Variants in HIBADH observed in about 807,000 individuals in gnomAD.
The protein encoded by HIBADH is 3-hydroxyisobutyrate dehydrogenase, also known as 3-hydroxyisobutyrate dehydrogenase, mitochondrial.
Under a neutral mutation model 36.1 loss-of-function variants are expected in HIBADH, and 25 were observed. The ratio of observed to expected loss-of-function variants is 0.69; its 90% confidence interval spans 0.50 to 0.97. The LOEUF (loss-of-function observed/expected upper bound fraction) is 0.97. Ranked by LOEUF, HIBADH falls within the 50% of genes least tolerant of loss-of-function variation. The probability of loss-of-function intolerance (pLI) is 0.00; values close to 1 mark genes in which losing one functional copy is unlikely to be tolerated. For synonymous variants in HIBADH, 160 were observed against 149.5 expected (o/e 1.07, Z -0.51); for missense variants, 421 against 418.0 (o/e 1.01, Z -0.06).
At chr7:27,622,138 G>T (rs552584984) in intron 4 of HIBADH, among the ~76,000 whole-genome samples, 21 of 152,166 alleles carry the variant, frequency 1.4e-4, no homozygotes, top group Non-Finnish European at 1.3e-4. Flanking sequence ...CCAGCTATTC[G>T]AGAGCCTGAG....
At chr7:27,624,105 AATATTGTTAAAATGACC>A (rs1785596502) in intron 4 of HIBADH, among the ~76,000 whole-genome samples, 1 of 152,108 alleles carries the variant, frequency 6.6e-6, no homozygotes, top group Non-Finnish European at 1.5e-5. Context: ...CGGCCAAATT[AATATTGTTAAAATGACC>A]ATATTGCCAA....
intron 4 of HIBADH, among the ~76,000 whole-genome samples, chr7:27,612,248 C>A (rs574646903): frequency 2.8e-4 from 42 of 151,788 alleles, no homozygotes; most frequent in African/African-American, 8.9e-4. Context: ...TAAATAATTT[C>A]AAGTACAAGA....
intron 4 of HIBADH, among the ~76,000 whole-genome samples, chr7:27,594,025 AAAAT>A (rs538937381): frequency 0.016 from 2,459 of 149,618 alleles, 65 homozygotes; most frequent in African/African-American, 0.056. Flanking sequence ...TCCGTCTCAA[AAAAT>A]AAATAAATAA....
chr7:27,616,484 T>TA (rs1161974480), intron 4 of HIBADH, among the ~76,000 whole-genome samples: 12 of 152,128 alleles, frequency 7.9e-5, no homozygotes, highest in Non-Finnish European at 1.5e-5. Flanking sequence ...TGTTTTTTAA[T>TA]ATAGGGTTTT....
intron 3 of HIBADH, among the ~76,000 whole-genome samples, chr7:27,629,967 T>TAA (rs111649764): frequency 0.078 from 11,812 of 150,954 alleles, 709 homozygotes; most frequent in African/African-American, 0.17. Context: ...AGAATAAACA[T>TAA]AAGCAATTAA....
At chr7:27,634,167 G>A (rs539573348) in intron 2 of HIBADH, among the ~76,000 whole-genome samples, 2 of 152,080 alleles carry the variant, frequency 1.3e-5, no homozygotes, top group African/African-American at 4.8e-5. Context: ...TAACAAGCTA[G>A]GAAATGATAT....
At chr7:27,535,769 C>A (rs1005463344) in intron 6 of HIBADH, among the ~76,000 whole-genome samples, 4 of 150,186 alleles carry the variant, frequency 2.7e-5, no homozygotes, top group African/African-American at 9.8e-5. Flanking sequence ...TTTTTTTTAA[C>A]AACATTTAAA....
chr7:27,554,368 T>C (rs570386011), intron 4 of HIBADH, among the ~76,000 whole-genome samples: 2 of 152,360 alleles, frequency 1.3e-5, no homozygotes, highest in South Asian at 4.1e-4. Flanking sequence ...TTACTTTCTT[T>C]AGGCAACACG....
At chr7:27,570,655 C>T (rs567833746) in intron 4 of HIBADH, among the ~76,000 whole-genome samples, 6 of 150,250 alleles carry the variant, frequency 4.0e-5, no homozygotes, top group African/African-American at 1.5e-4. Flanking sequence ...AATCTCTACA[C>T]TTCAAACAGG....
At chr7:27,552,596 C>G (rs1467646186) in intron 4 of HIBADH, among the ~76,000 whole-genome samples, 3 of 152,128 alleles carry the variant, frequency 2.0e-5, no homozygotes, top group Non-Finnish European at 4.4e-5. Flanking sequence ...ATAACGCAGA[C>G]AGTCTTTTCT....
chr7:27,649,719 ATTTT>A (rs879263925), intron 1 of HIBADH, 86 bp from the exon 2 acceptor site: 1 of 1,043,960 alleles, frequency 9.6e-7, no homozygotes, highest in East Asian at 3.2e-5. Flanking sequence ...CAATTGTTAG[ATTTT>A]TTTTTTTTAA....
intron 6 of HIBADH, among the ~76,000 whole-genome samples, chr7:27,532,091 C>A (rs1248377285): frequency 6.6e-6 from 1 of 152,152 alleles, no homozygotes; most frequent in Non-Finnish European, 1.5e-5. Flanking sequence ...GCAGAAACAT[C>A]ATTTGTTCTA....
intron 4 of HIBADH, among the ~76,000 whole-genome samples, chr7:27,615,868 A>T (rs952810754): frequency 6.6e-6 from 1 of 152,192 alleles, no homozygotes; most frequent in Non-Finnish European, 1.5e-5. Flanking sequence ...TTATCTTAAG[A>T]CATTATGGCT....
At chr7:27,575,879 C>T (rs1454487820) in intron 4 of HIBADH, among the ~76,000 whole-genome samples, 1 of 152,230 alleles carries the variant, frequency 6.6e-6, no homozygotes, top group Non-Finnish European at 1.5e-5. Context: ...CATCTGCTCG[C>T]AGCAACAGCA....
At chr7:27,567,430 C>A (rs1194865337) in intron 4 of HIBADH, among the ~76,000 whole-genome samples, 2 of 152,126 alleles carry the variant, frequency 1.3e-5, no homozygotes, top group African/African-American at 4.8e-5. Context: ...TAAATCCAAT[C>A]TGATAATATC....
At chr7:27,552,423 A>G (rs1026839088) in intron 4 of HIBADH, among the ~76,000 whole-genome samples, 2 of 152,260 alleles carry the variant, frequency 1.3e-5, no homozygotes, top group African/African-American at 2.4e-5. Context: ...TTTTCCTGAA[A>G]TAAACACAGA....
rs189800204 is a variant in HIBADH at position 27,646,968 on chromosome 7, T to C, written c.252+2505A>G. On this transcript the variant is annotated intron_variant, in intron 2 of 7. Transcript: ENST00000265395. ...GCCTTGGCCTCCCAAAATGCTGGGA[T>C]TATAGGCACAAGACACTGCGCCCAG... is the stretch of plus-strand genomic sequence containing the variant. Among the ~76,000 whole-genome samples, 416 of 152,206 alleles carry C rather than the reference T, an allele frequency of 2.7e-3. 3 individuals are homozygous for C. Among genetic ancestry groups the C allele is most frequent in the African/African-American group, 9.4e-3 (391 of 41,524 alleles).
intron 4 of HIBADH, among the ~76,000 whole-genome samples, chr7:27,559,033 T>TC (rs888302071): frequency 2.6e-5 from 4 of 152,180 alleles, no homozygotes; most frequent in African/African-American, 9.7e-5. Context: ...CAGGATTGGT[T>TC]CCTTTGGATG....
intron 1 of HIBADH, among the ~76,000 whole-genome samples, chr7:27,654,697 GTTT>G (rs11386502): frequency 6.8e-6 from 1 of 147,418 alleles, no homozygotes; most frequent in Admixed American, 6.7e-5. Flanking sequence ...ATTTTTTTGT[GTTT>G]TTTTTTTGGA....
Sources: allele counts gnomAD v4.1 joint callset (sites outside exome capture counted in the v4.1 genomes callset), GRCh38; gene constraint gnomAD v4.1.1; transcripts MANE v1.5; gene names NCBI Gene and HGNC (gene_info 2026-07-23, HGNC 2026-07-21).